CTDSP2: variants seen among roughly 807,000 people sequenced by gnomAD.
CTDSP2 encodes the protein CTD small phosphatase 2.
Under a neutral mutation model 31.6 loss-of-function variants are expected in CTDSP2, and 9 were observed. The ratio of observed to expected loss-of-function variants is 0.28; its 90% CI spans 0.17 to 0.50. The LOEUF (loss-of-function observed/expected upper bound fraction) is 0.50. Ranked by LOEUF, CTDSP2 falls within the 20% of genes least tolerant of loss-of-function variation. The pLI, the probability that CTDSP2 is intolerant of heterozygous loss-of-function variation, is 0.98. For synonymous variants in CTDSP2, 134 were observed against 134.5 expected, an observed-to-expected ratio of 1.00 and a Z score of 0.03; for missense variants, 267 against 348.5, an observed-to-expected ratio of 0.77 and a Z score of 1.86.
chr12:57,840,718 G>T (rs1037963154), intron 1 of CTDSP2, among the ~76,000 whole-genome samples: 2 of 150,854 alleles, frequency 1.3e-5, no homozygotes, highest in African/African-American at 4.9e-5. Flanking sequence ...ATAAAAGAAG[G>T]TATAGAATAA....
intron 1 of CTDSP2, among the ~76,000 whole-genome samples, chr12:57,835,918 A>G (rs2140480885): frequency 6.6e-6 from 1 of 152,356 alleles, no homozygotes; most frequent in Non-Finnish European, 1.5e-5. Flanking sequence ...ATAAACTGGG[A>G]TAACAGCAAG....
chr12:57,833,600 C>T (rs1039516986), intron 1 of CTDSP2, among the ~76,000 whole-genome samples: 2 of 152,256 alleles, frequency 1.3e-5, no homozygotes, highest in Non-Finnish European at 2.9e-5. Flanking sequence ...TGGCCCCAAC[C>T]CAGTGCATTC....
At chr12:57,832,389 C>T (rs1956221136) in intron 1 of CTDSP2, among the ~76,000 whole-genome samples, 1 of 152,174 alleles carries the variant, frequency 6.6e-6, no homozygotes, top group African/African-American at 2.4e-5. Context: ...GCCCAGCACT[C>T]AAAGAGTCCA....
chr12:57,839,141 C>T (rs1956265721), intron 1 of CTDSP2, among the ~76,000 whole-genome samples: 1 of 152,176 alleles, frequency 6.6e-6, no homozygotes, highest in Non-Finnish European at 1.5e-5. Flanking sequence ...AGGCACCCAT[C>T]TCCAGGGACA....
chr12:57,830,340 G>A (rs1956207856), intron 1 of CTDSP2, among the ~76,000 whole-genome samples: 1 of 151,972 alleles, frequency 6.6e-6, no homozygotes, highest in Non-Finnish European at 1.5e-5. Flanking sequence ...AGCCAAGATC[G>A]CGCCACTGCA....
Position 57,826,326 on chromosome 12 carries a change from T to G in CTDSP2, c.411+20A>C, listed in dbSNP as rs754274107. On this transcript the variant is annotated intron_variant, in intron 5 of 7. Transcript: ENST00000398073. Reference sequence around the variant, plus strand: ...GACCCCCCACCCTCTGGGCTGGGTGTGGTCTGGCTGGCAGCTCACCTGGTG... The same window carrying G: ...GACCCCCCACCCTCTGGGCTGGGTGGGGTCTGGCTGGCAGCTCACCTGGTG... 1 of 1,612,844 alleles carries G rather than the reference T, an allele frequency of 6.2e-7. No homozygotes were observed.
chr12:57,827,018 G>C lies in CTDSP2; in HGVS notation c.332C>G (p.Thr111Ser). The change falls in exon 4 of 8, where the codon ACC becomes AGC. Residue 111 changes from threonine (T) to serine (S), a missense_variant. By Grantham distance (58) the Thr-to-Ser change is moderately conservative. This residue lies in a region of CTDSP2 where 156 missense variants were observed against 241.3 expected (regional missense o/e 0.65). Transcript: ENST00000398073. Reference protein sequence around the residue: ...RICVVIDLDETLVHSSFKPIN... With the variant: ...RICVVIDLDESLVHSSFKPIN... ...TACCTTAAAGGAGCTATGCACAAGG[G>C]TTTCATCGAGGTCAATGACCACACA... The C allele has an allele frequency of 1.9e-6, 3 of 1,613,306 alleles. No individual in the cohort carries two copies. Among genetic ancestry groups the C allele is most frequent in the Non-Finnish European group, 2.5e-6 (3 of 1,179,594 alleles).
chr12:57,830,293 G>C (rs1023095345), intron 1 of CTDSP2, among the ~76,000 whole-genome samples: 6 of 152,160 alleles, frequency 3.9e-5, no homozygotes, highest in Non-Finnish European at 8.8e-5. Flanking sequence ...GCTGAGGCAG[G>C]AGAATGGCGT....
chr12:57,838,101 G>A (rs1317354656), intron 1 of CTDSP2, among the ~76,000 whole-genome samples: 1 of 152,150 alleles, frequency 6.6e-6, no homozygotes, highest in Non-Finnish European at 1.5e-5. Flanking sequence ...CAGCTCCAAC[G>A]TACTTTAAAA....
At chr12:57,841,618 A>G (rs1956282931) in intron 1 of CTDSP2, among the ~76,000 whole-genome samples, 1 of 152,206 alleles carries the variant, frequency 6.6e-6, no homozygotes, top group Admixed American at 6.5e-5. Context: ...TGACACAAAG[A>G]AGGGGTCTGT....
At chr12:57,826,048 G>A (rs1030750209) in intron 5 of CTDSP2, among the ~76,000 whole-genome samples, 12 of 152,116 alleles carry the variant, frequency 7.9e-5, no homozygotes, top group African/African-American at 2.9e-4. Flanking sequence ...AGGGGATGGT[G>A]GTTAACAAAC....
intron 1 of CTDSP2, 55 bp downstream of exon 1, chr12:57,846,317 T>C (rs1956315937): frequency 2.0e-6 from 3 of 1,520,284 alleles, no homozygotes; most frequent in African/African-American, 2.8e-5. Flanking sequence ...GGGGCTGTGC[T>C]AGCCCCCTCC....
intron 1 of CTDSP2, among the ~76,000 whole-genome samples, chr12:57,845,988 C>T (rs1956313186): frequency 6.6e-6 from 1 of 152,286 alleles, no homozygotes; most frequent in African/African-American, 2.4e-5. Flanking sequence ...CCTTCCTAAC[C>T]CCTCCCCGCG....
intron 1 of CTDSP2, among the ~76,000 whole-genome samples, chr12:57,841,421 A>G (rs1956281899): frequency 6.6e-6 from 1 of 152,224 alleles, no homozygotes; most frequent in African/African-American, 2.4e-5. Flanking sequence ...ACAGTGAGAG[A>G]ATGTAGCATA....
Position 57,823,365 on chromosome 12 carries a change from A to T in CTDSP2, c.*237T>A, listed in dbSNP as rs992601376. On this transcript the variant is annotated 3_prime_UTR_variant, in exon 8 of 8. Transcript: ENST00000398073. ...TGGCAAAACACACACACAAACACAC[A>T]CTCTCTCACAGTCAAACACACATCT... 4 of 553,382 alleles carry T rather than the reference A, an allele frequency of 7.2e-6. No homozygotes were observed. The highest frequency in any genetic ancestry group is 3.8e-5 in the African/African-American group (2 of 52,732). 34.3% of individuals were successfully genotyped at this position (553,382 alleles called of 1,614,324 possible).
At chr12:57,827,956 A>G (rs376302462) in intron 2 of CTDSP2, among the ~76,000 whole-genome samples, 13 of 152,306 alleles carry the variant, frequency 8.5e-5, no homozygotes, top group African/African-American at 3.1e-4. Flanking sequence ...CTAAGTCCTT[A>G]AACTCAGGCT....
intron 2 of CTDSP2, 102 bp downstream of exon 2, chr12:57,829,346 G>C: frequency 1.5e-6 from 2 of 1,375,856 alleles, no homozygotes; most frequent in Non-Finnish European, 2.0e-6. Context: ...AGAAATCTTT[G>C]CAACTTCAGG....
At position 57,820,886 on chromosome 12, in the gene CTDSP2, C is replaced by CA. The variant is rs1392785277; in HGVS notation, c.*2715dup. Reference sequence around the variant, plus strand: ...GAGACACACTGTGTCCCTGAAGAGGCACCTTAAAAGAACTGAACCTGGCAG... The same window carrying CA: ...GAGACACACTGTGTCCCTGAAGAGGCAACCTTAAAAGAACTGAACCTGGCAG... On this transcript the variant is annotated 3_prime_UTR_variant, in exon 8 of 8. Transcript: ENST00000398073. 6.6e-6 allele frequency: 1 copy of CA among 152,198 alleles called. No individual in the cohort carries two copies. Among genetic ancestry groups the CA allele is most frequent in the Non-Finnish European group, 1.5e-5 (1 of 68,044 alleles). The allele number at this position is 152,198 out of a possible 1,614,324, so 9.4% of individuals were successfully genotyped here.
chr12:57,826,839 G>C (rs756080490), intron 4 of CTDSP2, among the ~76,000 whole-genome samples, 157 bp downstream of exon 4: 1 of 152,198 alleles, frequency 6.6e-6, no homozygotes, highest in Non-Finnish European at 1.5e-5. Context: ...GGGGCCTCTA[G>C]ATACCTGTGA....
Sources: gnomAD v4.1 joint callset for allele counts (sites outside exome capture counted in the v4.1 genomes callset) on GRCh38, gnomAD v4.1.1 for gene constraint, gnomAD v4.1.1 regional missense constraint, MANE v1.5 for transcripts, NCBI Gene and HGNC (gene_info 2026-07-23, HGNC 2026-07-21) for gene names.